Variants in GPC6 observed in about 807,000 individuals in gnomAD.
The protein encoded by GPC6 is glypican 6, also known as glypican-6.
A neutral mutation model predicts 55.2 loss-of-function variants in GPC6; 14 were observed. That is an observed-to-expected ratio of 0.25 (90% CI 0.17 to 0.40). The LOEUF is 0.40. GPC6 is among the 10% of genes least tolerant of loss of function. The pLI is 1.00. For synonymous variants in GPC6, 278 were observed against 259.6 expected, an observed-to-expected ratio of 1.07 and a Z score of -0.68; for missense variants, 641 against 708.5, an observed-to-expected ratio of 0.90 and a Z score of 1.08.
intron 2 of GPC6, among the ~76,000 whole-genome samples, chr13:93,815,943 A>G (rs1224524536): frequency 6.6e-6 from 1 of 152,182 alleles, no homozygotes; most frequent in East Asian, 1.9e-4. Flanking sequence ...AACCAAGTGT[A>G]TGGTAAGGAG....
chr13:93,622,470 A>G (rs529733154), intron 2 of GPC6, among the ~76,000 whole-genome samples: 2 of 148,042 alleles, frequency 1.4e-5, no homozygotes, highest in East Asian at 2.0e-4. Context: ...TTAAAGATAC[A>G]TGAAACCAAT....
chr13:94,245,616 C>T (rs1044928205), intron 4 of GPC6, among the ~76,000 whole-genome samples: 1 of 151,930 alleles, frequency 6.6e-6, no homozygotes, highest in Non-Finnish European at 1.5e-5. Flanking sequence ...CAATAATTTT[C>T]TTTCTATATC....
rs112769327 is a variant in GPC6, at chr13:93,559,973, G to C, written c.319+14552G>C. Among the ~76,000 whole-genome samples the C allele has an allele frequency of 7.7e-3, 1,173 of 152,180 alleles. 22 individuals carry two copies. Among genetic ancestry groups the C allele is most frequent in the African/African-American group, 0.026 (1,065 of 41,526 alleles). On this transcript the variant is annotated intron_variant, in intron 2 of 8. Transcript: ENST00000377047. ...ATTCCTTAGAATAAACATCATCTGG[G>C]CATCACCTGCACACCTAAATGGATT...
At chr13:93,535,670 A>T (rs1882031919) in intron 1 of GPC6, among the ~76,000 whole-genome samples, 1 of 148,406 alleles carries the variant, frequency 6.7e-6, no homozygotes, top group Non-Finnish European at 1.5e-5. Flanking sequence ...CACCATTTGC[A>T]GATACTTTTT....
intron 1 of GPC6, among the ~76,000 whole-genome samples, chr13:93,268,896 A>C (rs1221318410): frequency 1.3e-5 from 2 of 152,094 alleles, no homozygotes; most frequent in Non-Finnish European, 2.9e-5. Context: ...CCTGCTGTGC[A>C]TTCTTCGAAT....
At chr13:93,915,081 G>T (rs1299708868) in intron 3 of GPC6, among the ~76,000 whole-genome samples, 2 of 152,120 alleles carry the variant, frequency 1.3e-5, no homozygotes. Context: ...TGTTAAAGGT[G>T]CTCTATATTT....
intron 3 of GPC6, among the ~76,000 whole-genome samples, chr13:93,937,338 G>C (rs1489251593): frequency 6.6e-6 from 1 of 152,170 alleles, no homozygotes; most frequent in Non-Finnish European, 1.5e-5. Flanking sequence ...TACAAGAACA[G>C]CCTTTAAACA....
intron 4 of GPC6, among the ~76,000 whole-genome samples, chr13:94,101,278 C>T (rs184482184): frequency 2.0e-5 from 3 of 152,338 alleles, no homozygotes; most frequent in East Asian, 3.9e-4. Context: ...TTGGGAACAA[C>T]AGTAAATGTT....
At chr13:94,124,207 A>G (rs186748263) in intron 4 of GPC6, among the ~76,000 whole-genome samples, 2 of 152,118 alleles carry the variant, frequency 1.3e-5, no homozygotes, top group Non-Finnish European at 2.9e-5. Flanking sequence ...TTTTTACAAC[A>G]TGACTCTTGA....
chr13:93,531,329 T>A (rs1213056084), intron 1 of GPC6, among the ~76,000 whole-genome samples: 1 of 151,984 alleles, frequency 6.6e-6, no homozygotes, highest in Non-Finnish European at 1.5e-5. Context: ...TTTTAAGGAA[T>A]TGGCTCATGT....
intron 2 of GPC6, among the ~76,000 whole-genome samples, chr13:93,659,183 T>G (rs957670724): frequency 1.3e-5 from 2 of 151,944 alleles, no homozygotes. Flanking sequence ...TATTTTTCTT[T>G]TAATATCTGT....
At chr13:93,542,063 A>T (rs971000885) in intron 1 of GPC6, among the ~76,000 whole-genome samples, 112 of 152,196 alleles carry the variant, frequency 7.4e-4, no homozygotes, top group Non-Finnish European at 1.1e-3. Context: ...TTTTGTTGCC[A>T]TTGCTTTTGG....
chr13:93,508,575 A>G (rs1037313230), intron 1 of GPC6, among the ~76,000 whole-genome samples: 3 of 152,226 alleles, frequency 2.0e-5, no homozygotes, highest in African/African-American at 7.2e-5. Context: ...GACAGACATG[A>G]TTTTACTTAT....
intron 3 of GPC6, among the ~76,000 whole-genome samples, chr13:93,907,617 G>A (rs34095369): frequency 0.31 from 46,412 of 151,848 alleles, 7,506 homozygotes; most frequent in Middle Eastern, 0.46. Flanking sequence ...ACATTTATAG[G>A]TGAAGAAGTG....
rs1045075479 is a variant in GPC6 at position 94,095,238 on chromosome 13, C to T, written c.877+67344C>T. Reference sequence around the variant, plus strand: ...GTTTTTAAAATTTTGCTAACATATGCTATATAAAAAAGAGTAGTAGGAAGT... The same window carrying T: ...GTTTTTAAAATTTTGCTAACATATGTTATATAAAAAAGAGTAGTAGGAAGT... On this transcript the variant is annotated intron_variant, in intron 4 of 8. Coordinates refer to ENST00000377047, the MANE Select transcript of GPC6 (RefSeq NM_005708.5). 5.3e-4 allele frequency among the ~76,000 whole-genome samples: 81 copies of T among 151,844 alleles called. 4 individuals carry two copies. Among genetic ancestry groups the T allele is most frequent in the Non-Finnish European group, 2.5e-4 (17 of 67,928 alleles).
At chr13:94,197,042 T>TA (rs2138970392) in intron 4 of GPC6, among the ~76,000 whole-genome samples, 1 of 152,248 alleles carries the variant, frequency 6.6e-6, no homozygotes, top group South Asian at 2.1e-4. Context: ...GGGTTTTTTT[T>TA]AACACATTGA....
chr13:94,398,772 GT>G, intron 8 of GPC6, 131 bp downstream of exon 8: 1 of 779,452 alleles, frequency 1.3e-6, no homozygotes, highest in Non-Finnish European at 2.2e-6. Flanking sequence ...TGTGATTCTT[GT>G]TATAGTCTTT....
At chr13:94,054,015 A>G (rs1884045438) in intron 4 of GPC6, among the ~76,000 whole-genome samples, 1 of 152,130 alleles carries the variant, frequency 6.6e-6, no homozygotes, top group Non-Finnish European at 1.5e-5. Flanking sequence ...AATGAGAGGA[A>G]TATGAACACT....
intron 2 of GPC6, among the ~76,000 whole-genome samples, chr13:93,748,313 C>A (rs1270900773): frequency 6.6e-6 from 1 of 152,072 alleles, no homozygotes; most frequent in African/African-American, 2.4e-5. Flanking sequence ...GAGACAGTTT[C>A]ATGTTTTATG....
Sources: gnomAD v4.1 joint callset for allele counts (sites outside exome capture counted in the v4.1 genomes callset) on GRCh38, gnomAD v4.1.1 for gene constraint, MANE v1.5 for transcripts, NCBI Gene and HGNC (gene_info 2026-07-23, HGNC 2026-07-21) for gene names.